The following MYL7 variants were observed in gnomAD, a reference collection of about 807,000 sequenced individuals.
MYL7 encodes myosin light chain 7, also known as myosin regulatory light chain 2, atrial isoform.
In MYL7, 27 loss-of-function variants were observed where a neutral mutation model predicts 22.5. The ratio of observed to expected loss-of-function variants is 1.20; its 90% CI spans 0.89 to 1.66. The LOEUF (loss-of-function observed/expected upper bound fraction) is 1.66. Ranked by LOEUF, MYL7 falls within the 40% of genes most tolerant of loss-of-function variation. The pLI is 0.00. For synonymous variants in MYL7, 81 were observed against 84.4 expected, an observed-to-expected ratio of 0.96 and a Z score of 0.22; for missense variants, 209 against 226.8, an observed-to-expected ratio of 0.92 and a Z score of 0.50.
chr7:44,140,207 G>T, intron 4 of MYL7, 116 bp downstream of exon 4: 1 of 842,450 alleles, frequency 1.2e-6, no homozygotes, highest in East Asian at 2.5e-5. Context: ...TTCAGTTAGG[G>T]TTCAGGTGGG....
Position 44,139,050 on chromosome 7 carries a change from C to T in MYL7, c.427-28G>A, listed in dbSNP as rs373435761. On this transcript the variant is annotated intron_variant, in intron 6 of 6. Coordinates refer to ENST00000223364, the MANE Select transcript of MYL7 (RefSeq NM_021223.3). Reference sequence around the variant, plus strand: ...GCAGGGGACACTGGTGAGTGGCAGTCCCCTGGCTCCTGGCCCAGCCCGGCA... The same window carrying T: ...GCAGGGGACACTGGTGAGTGGCAGTTCCCTGGCTCCTGGCCCAGCCCGGCA... 6.3e-4 allele frequency: 999 copies of T among 1,585,468 alleles called. 1 individual carries two copies. Among genetic ancestry groups the T allele is most frequent in the Non-Finnish European group, 7.8e-4 (900 of 1,154,376 alleles).
intron 2 of MYL7, 64 bp from the exon 3 acceptor site, chr7:44,140,851 A>G (rs1235685324): frequency 2.1e-6 from 3 of 1,414,694 alleles, no homozygotes; most frequent in Non-Finnish European, 2.8e-6. Flanking sequence ...GAGGTGGGGG[A>G]GAGACCTGGG....
chr7:44,140,407 C>A lies in MYL7; in HGVS notation c.214G>T (p.Glu72Ter). 6.2e-7 allele frequency: 1 copy of A among 1,613,868 alleles called. No homozygotes were observed. The highest frequency in any genetic ancestry group is 8.5e-7 in the Non-Finnish European group (1 of 1,179,918). ...SQLGKVSVPE[E>*]ELDAMLQEGK... is the part of the protein sequence containing the mutation. ...TCTTGCAGCATGGCGTCCAGCTCCT[C>A]CTCTGGGACACTCACCTTCCCTGGT... Residue 72 changes from glutamate to a stop codon, truncating the protein, a stop_gained, in exon 4 of 7, where the codon GAG (glutamate) becomes TAG (stop). Coordinates refer to ENST00000223364, the MANE Select transcript of MYL7 (RefSeq NM_021223.3). LOFTEE classifies it high-confidence loss of function.
intron 4 of MYL7, 74 bp downstream of exon 4, chr7:44,140,249 G>A (rs1405394580): frequency 2.4e-6 from 3 of 1,272,052 alleles, no homozygotes; most frequent in Non-Finnish European, 3.4e-6. Flanking sequence ...GGTTCAGGCA[G>A]GGTTCAGGTG....
intron 1 of MYL7, 34 bp from the exon 2 acceptor site, chr7:44,141,108 C>A: frequency 6.2e-7 from 1 of 1,606,938 alleles, no homozygotes; most frequent in East Asian, 2.2e-5. Context: ...GGTCCTCTCC[C>A]CAACTCCTCA....
chr7:44,140,976 T>C lies in MYL7; in HGVS notation c.102A>G (p.Ile34Met), dbSNP rs1205134710. 1 of 1,613,812 alleles carries C rather than the reference T, an allele frequency of 6.2e-7. No homozygotes were observed. Among genetic ancestry groups the C allele is most frequent in the African/African-American group, 1.3e-5 (1 of 74,916 alleles). ...NVFSMFEQAQ[I>M]QEFKEAFSCI... ...GGGCACTCACTTCTTTGAACTCCTG[T>C]ATCTGGGCTTGTTCAAACATGGAAA... is the stretch of plus-strand genomic sequence containing the variant. The change falls in exon 2 of 7, where the codon ATA becomes ATG. Residue 34 changes from isoleucine to methionine, a missense_variant. Physicochemically the swap from Ile to Met is conservative, Grantham distance 10 (BLOSUM62 1). Transcript: ENST00000223364.
chr7:44,138,946 G>T lies in MYL7; in HGVS notation c.503C>A (p.Thr168Asn). 6.2e-7 allele frequency: 1 copy of T among 1,614,134 alleles called. No individual in the cohort carries two copies. The highest frequency in any genetic ancestry group is 8.5e-7 in the Non-Finnish European group (1 of 1,179,980). The change falls in exon 7 of 7, where the codon ACC becomes AAC. Residue 168 changes from threonine (T) to asparagine (N), a missense_variant. Coordinates refer to ENST00000223364, the MANE Select transcript of MYL7 (RefSeq NM_021223.3). ...TCATTCCTCTTTCTCGTCTCCATGG[G>T]TGATGATGTAGCACAGTGACTTGTA... ...IDYKSLCYII[T>N]HGDEKEE
chr7:44,140,012 G>A lies in MYL7; in HGVS notation c.299-152C>T, dbSNP rs375600132. The stretch of plus-strand genomic sequence containing the variant: ...ATGTTTCTCGGGGATCAGTGGGGCT[G>A]GGAATGGTCATCCTCCTGAGGCGGG... On this transcript the variant is annotated intron_variant, in intron 4 of 6. Coordinates refer to ENST00000223364, the MANE Select transcript of MYL7 (RefSeq NM_021223.3). 3.6e-5 allele frequency: 28 copies of A among 769,830 alleles called. 1 individual carries two copies. Among genetic ancestry groups the A allele is most frequent in the Admixed American group, 3.1e-4 (10 of 32,332 alleles). The allele number at this position is 769,830 out of a possible 1,614,324, so 47.7% of individuals were successfully genotyped here.
In MYL7 at chr7:44,141,216, C is replaced by T. The variant is rs556312224; in HGVS notation, c.3+87G>A. On this transcript the variant is annotated intron_variant, in intron 1 of 6. Coordinates refer to ENST00000223364, the MANE Select transcript of MYL7 (RefSeq NM_021223.3). Reference sequence around the variant, plus strand: ...CTCTCCCTGGGGACCACCCTCAACCCAACACAAGCACAGAAAACTCTGCTC... The same window carrying T: ...CTCTCCCTGGGGACCACCCTCAACCTAACACAAGCACAGAAAACTCTGCTC... The T allele has an allele frequency of 3.2e-5, 51 of 1,606,788 alleles. No homozygotes were observed. In the Admixed American group the frequency reaches 3.7e-4, roughly 12 times the overall value.
Position 44,140,410 on chromosome 7 carries a change from C to T in MYL7, c.211G>A (p.Glu71Lys). The T allele has an allele frequency of 1.2e-6, 2 of 1,613,822 alleles. No homozygotes were observed. Among genetic ancestry groups the T allele is most frequent in the Non-Finnish European group, 1.7e-6 (2 of 1,179,894 alleles). Residue 71 changes from glutamate (E) to lysine (K), a missense_variant, in exon 4 of 7, where the codon GAG becomes AAG. By Grantham distance (56) the Glu-to-Lys change is moderately conservative. Coordinates refer to ENST00000223364, the MANE Select transcript of MYL7 (RefSeq NM_021223.3). ...YSQLGKVSVP[E>K]EELDAMLQEG... ...TGCAGCATGGCGTCCAGCTCCTCCTCTGGGACACTCACCTTCCCTGGTGGG... is the reference window on the plus strand; with the variant it reads ...TGCAGCATGGCGTCCAGCTCCTCCTTTGGGACACTCACCTTCCCTGGTGGG...
intron 6 of MYL7, chr7:44,139,302 C>T (rs2096262363): frequency 4.4e-6 from 3 of 686,794 alleles, no homozygotes; most frequent in African/African-American, 1.8e-5. Flanking sequence ...TATCCACTTC[C>T]CCCCAGGTCT....
chr7:44,140,063 G>A (rs569529193), intron 4 of MYL7, among the ~76,000 whole-genome samples: 1 of 152,294 alleles, frequency 6.6e-6, no homozygotes, highest in South Asian at 2.1e-4. Flanking sequence ...ACTGGAATTT[G>A]GGGGTGGGGG....
Position 44,140,995 on chromosome 7 carries a change from A to G in MYL7, c.83T>C (p.Met28Thr), listed in dbSNP as rs752209846. ...CTCCTGTATCTGGGCTTGTTCAAAC[A>G]TGGAAAAGACGTTGGAAGAACCACG... ...AQRGSSNVFS[M>T]FEQAQIQEFK... Residue 28 changes from methionine to threonine, a missense_variant, in exon 2 of 7, where the codon ATG (methionine) becomes ACG (threonine). Coordinates refer to ENST00000223364, the MANE Select transcript of MYL7 (RefSeq NM_021223.3). 1.9e-6 allele frequency: 3 copies of G among 1,613,910 alleles called. No individual in the cohort carries two copies. The highest frequency in any genetic ancestry group is 2.5e-6 in the Non-Finnish European group (3 of 1,179,940).
At chr7:44,139,724 C>T in intron 5 of MYL7, 58 bp downstream of exon 5, 2 of 1,599,922 alleles carry the variant, frequency 1.3e-6, no homozygotes, top group Non-Finnish European at 1.7e-6. Flanking sequence ...CACTAGGGGC[C>T]TCACCCCGCT....
intron 1 of MYL7, 50 bp from the exon 2 acceptor site, chr7:44,141,124 T>TC: frequency 6.3e-7 from 1 of 1,588,706 alleles, no homozygotes; most frequent in Non-Finnish European, 8.6e-7. Context: ...CCTCAGAGTC[T>TC]CCCCACCCCA....
intron 4 of MYL7, 70 bp from the exon 5 acceptor site, chr7:44,139,930 G>A (rs1339392386): frequency 6.5e-6 from 9 of 1,390,446 alleles, no homozygotes; most frequent in Non-Finnish European, 8.8e-6. Flanking sequence ...GGAGGAACTG[G>A]GCTGCATGAG....
chr7:44,140,909 TG>T (rs2096264751), intron 2 of MYL7, 51 bp downstream of exon 2: 3 of 256,586 alleles, frequency 1.2e-5, no homozygotes, highest in South Asian at 8.6e-5. Context: ...GTATGTGGGG[TG>T]GGGTGGGGGG....
chr7:44,140,644 C>T (rs1393937342), intron 3 of MYL7, 68 bp downstream of exon 3: 1 of 1,489,666 alleles, frequency 6.7e-7, no homozygotes, highest in African/African-American at 1.4e-5. Context: ...TCCCCCCAGC[C>T]ACTCCCACCC....
rs1562706749 is a variant in MYL7, at chr7:44,139,818, A to G, written c.341T>C (p.Phe114Ser). 1 of 1,612,160 alleles carries G rather than the reference A, an allele frequency of 6.2e-7. No individual in the cohort carries two copies. The highest frequency in any genetic ancestry group is 8.5e-7 in the Non-Finnish European group (1 of 1,179,610). ...CACCACCCCTTTGCCGCTGGGGTCA[A>G]ACATGCGGAAGGCACTCAGGATGGC... Reference protein sequence around the residue: ...EEAILSAFRMFDPSGKGVVNK... With the variant: ...EEAILSAFRMSDPSGKGVVNK... Residue 114 changes from phenylalanine (F) to serine (S), a missense_variant, in exon 5 of 7, where the codon TTT becomes TCT. By Grantham distance (155) the Phe-to-Ser change is radical (BLOSUM62 -2). Coordinates refer to ENST00000223364, the MANE Select transcript of MYL7 (RefSeq NM_021223.3).
Sources: gnomAD v4.1 joint callset for allele counts (sites outside exome capture counted in the v4.1 genomes callset) on GRCh38, gnomAD v4.1.1 for gene constraint, MANE v1.5 for transcripts, NCBI Gene and HGNC (gene_info 2026-07-23, HGNC 2026-07-21) for gene names.